Variants in RPS4Y1 observed in about 807,000 individuals in gnomAD.
RPS4Y1 encodes small ribosomal subunit protein eS4, Y isoform 1.
For missense variants in RPS4Y1, 30 were observed against 60.9 expected (o/e 0.49, Z 1.69); for synonymous variants, 23 against 20.8 (o/e 1.10, Z -0.28).
chrY:2,867,176 A>G lies in RPS4Y1; in HGVS notation c.*282A>G, dbSNP rs2051168225. On this transcript the variant is annotated 3_prime_UTR_variant, in exon 7 of 7. Coordinates refer to ENST00000250784, the MANE Select transcript of RPS4Y1 (RefSeq NM_001008.4). ...AAAAACGTATGACATTTCAGAAAGG[A>G]CGGCATTCTTTTGTGGAAGCTATGG... The G allele has an allele frequency of 1.4e-5, 1 of 72,674 alleles. No homozygotes were observed. The highest frequency in any genetic ancestry group is 2.8e-5 in the Non-Finnish European group (1 of 35,362). 18.1% of individuals were successfully genotyped at this position (72,674 alleles called of 400,897 possible). A position where few individuals can be genotyped will look rare whatever the true frequency, so the allele number is the denominator to read the frequency against.
At chrY:2,864,563 C>T (rs967286411) in intron 5 of RPS4Y1, among the ~76,000 whole-genome samples, 1 of 33,212 alleles carries the variant, frequency 3.0e-5, no homozygotes, top group Non-Finnish European at 7.4e-5. Context: ...GGTTATGTCC[C>T]GCAAAAATAA....
At chrY:2,846,863 A>G in intron 4 of RPS4Y1, among the ~76,000 whole-genome samples, 1 of 33,549 alleles carries the variant, frequency 3.0e-5, no homozygotes, top group Non-Finnish European at 7.4e-5. Context: ...ATTTTTAAGT[A>G]GGGGGAGATG....
At chrY:2,855,188 A>G in intron 5 of RPS4Y1, among the ~76,000 whole-genome samples, 1 of 33,880 alleles carries the variant, frequency 3.0e-5, no homozygotes, top group African/African-American at 1.2e-4. Flanking sequence ...TCTCCTCCCT[A>G]CACCTCAGGC....
chrY:2,841,655 T>C (rs769454735), intron 1 of RPS4Y1, 28 bp downstream of exon 1: 1 of 384,520 alleles, frequency 2.6e-6, no homozygotes, highest in Non-Finnish European at 3.7e-6. Flanking sequence ...TAACTCCTAG[T>C]ATATCTGCCT....
intron 2 of RPS4Y1, among the ~76,000 whole-genome samples, chrY:2,842,842 G>A (rs2051150088): frequency 6.0e-5 from 2 of 33,320 alleles, no homozygotes; most frequent in Non-Finnish European, 1.5e-4. Context: ...CACACTAGGA[G>A]AGAGTGGTTA....
chrY:2,851,138 C>T, intron 4 of RPS4Y1, among the ~76,000 whole-genome samples: 1 of 32,999 alleles, frequency 3.0e-5, no homozygotes, highest in African/African-American at 1.2e-4. Context: ...CCACCGCGCC[C>T]GGCCCAGAGG....
At chrY:2,845,351 C>T in intron 3 of RPS4Y1, among the ~76,000 whole-genome samples, 4 of 32,815 alleles carry the variant, frequency 1.2e-4, no homozygotes, top group African/African-American at 3.6e-4. Context: ...TGTATGTTTT[C>T]TCCTCAGGAT....
At chrY:2,846,795 T>G (rs759459963) in intron 4 of RPS4Y1, among the ~76,000 whole-genome samples, 1 of 33,770 alleles carries the variant, frequency 3.0e-5, no homozygotes, top group Non-Finnish European at 7.4e-5. Context: ...ATGACTGGTT[T>G]CTGCTTTTGT....
At chrY:2,842,130 G>A in intron 1 of RPS4Y1, 35 bp from the exon 2 acceptor site, 1 of 386,218 alleles carries the variant, frequency 2.6e-6, no homozygotes, top group Non-Finnish European at 3.7e-6. Flanking sequence ...ACTGTCAGCG[G>A]AAACTAATTT....
intron 5 of RPS4Y1, 57 bp downstream of exon 5, chrY:2,854,828 T>C: frequency 7.7e-6 from 2 of 258,662 alleles, no homozygotes; most frequent in East Asian, 1.9e-4. Context: ...CTTTTCTTTT[T>C]CTTTCTATTT....
chrY:2,842,266 G>GT, intron 2 of RPS4Y1, 24 bp downstream of exon 2: 1 of 378,343 alleles, frequency 2.6e-6, no homozygotes, highest in Non-Finnish European at 3.7e-6. Context: ...TGTTTTTTGT[G>GT]GTTTTTTTTT....
intron 5 of RPS4Y1, among the ~76,000 whole-genome samples, chrY:2,860,040 T>C: frequency 1.2e-4 from 4 of 33,138 alleles, no homozygotes; most frequent in Non-Finnish European, 3.0e-4. Flanking sequence ...TATTTAACCC[T>C]ATATTTCATG....
intron 1 of RPS4Y1, 177 bp from the exon 2 acceptor site, chrY:2,841,988 T>G: frequency 2.8e-6 from 1 of 352,053 alleles, no homozygotes; most frequent in African/African-American, 6.8e-5. Flanking sequence ...GTGCTTTGCG[T>G]GGTCTCTTCT....
chrY:2,865,276 A>G, intron 6 of RPS4Y1, 31 bp downstream of exon 6: 1 of 369,750 alleles, frequency 2.7e-6, no homozygotes, highest in Non-Finnish European at 3.9e-6. Flanking sequence ...ACTTCTTTCT[A>G]AGAAGACTCA....
intron 5 of RPS4Y1, among the ~76,000 whole-genome samples, chrY:2,860,882 C>G (rs986498353): frequency 3.0e-5 from 1 of 33,305 alleles, no homozygotes; most frequent in Admixed American, 2.7e-4. Flanking sequence ...TCTTCTTTCA[C>G]ACAACTGGGG....
At chrY:2,852,072 CCTT>C (rs2051156616) in intron 4 of RPS4Y1, among the ~76,000 whole-genome samples, 1 of 33,585 alleles carries the variant, frequency 3.0e-5, no homozygotes, top group Non-Finnish European at 7.4e-5. Flanking sequence ...GGTTTGCTCT[CCTT>C]CTGCCACCAT....
intron 5 of RPS4Y1, among the ~76,000 whole-genome samples, chrY:2,859,278 C>G: frequency 3.0e-5 from 1 of 33,688 alleles, no homozygotes; most frequent in Non-Finnish European, 7.4e-5. Flanking sequence ...GTTTTACAGT[C>G]AAAATAGTTG....
At chrY:2,859,598 G>A in intron 5 of RPS4Y1, among the ~76,000 whole-genome samples, 1 of 32,770 alleles carries the variant, frequency 3.1e-5, no homozygotes, top group South Asian at 7.0e-4. Context: ...GTTATTGATG[G>A]CACACATGAA....
At chrY:2,863,198 T>A in intron 5 of RPS4Y1, among the ~76,000 whole-genome samples, 1 of 34,139 alleles carries the variant, frequency 2.9e-5, no homozygotes, top group East Asian at 7.6e-4. Context: ...CCATTCTAAA[T>A]GTCAGGGGCT....
Sources: gnomAD v4.1 joint callset for allele counts (sites outside exome capture counted in the v4.1 genomes callset) on GRCh38, gnomAD v4.1.1 for gene constraint, MANE v1.5 for transcripts, NCBI Gene and HGNC (gene_info 2026-07-23, HGNC 2026-07-21) for gene names.